MAGI3: variants seen among roughly 807,000 people sequenced by gnomAD.
The protein encoded by MAGI3 is membrane-associated guanylate kinase, WW and PDZ domain-containing protein 3.
A neutral mutation model predicts 121.8 loss-of-function variants in MAGI3; 43 were observed. The observed-to-expected ratio is 0.35, with a 90% confidence interval of 0.28 to 0.46. The LOEUF (loss-of-function observed/expected upper bound fraction) is 0.46. MAGI3 is among the 20% of genes least tolerant of loss of function. MAGI3 has a pLI of 1.00. For synonymous variants in MAGI3, 553 were observed against 639.3 expected, an observed-to-expected ratio of 0.86 and a Z score of 2.04; for missense variants, 1,547 against 1,797.3, an observed-to-expected ratio of 0.86 and a Z score of 2.52.
In MAGI3 at chr1:113,393,444, A is replaced by T. The variant is rs537002163; in HGVS notation, c.316+2095A>T. The stretch of plus-strand genomic sequence containing the variant: ...GATACCATTATGTCTGTGTTATTTG[A>T]GATTAATATTGTTTCTAAGCAGGTT... On this transcript the variant is annotated intron_variant, in intron 1 of 20. Coordinates refer to ENST00000307546, the MANE Select transcript of MAGI3 (RefSeq NM_001142782.2). 1.1e-3 allele frequency among the ~76,000 whole-genome samples: 165 copies of T among 152,322 alleles called. 1 individual carries two copies. Among genetic ancestry groups the T allele is most frequent in the Non-Finnish European group, 1.0e-4 (7 of 68,004 alleles).
intron 2 of MAGI3, among the ~76,000 whole-genome samples, chr1:113,576,499 C>CTTT (rs1401262846): frequency 1.3e-5 from 2 of 152,288 alleles, no homozygotes; most frequent in Non-Finnish European, 1.5e-5. Flanking sequence ...CACTGTCTAA[C>CTTT]CAGTCCCAAC....
chr1:113,587,284 C>T (rs78742794), intron 4 of MAGI3, among the ~76,000 whole-genome samples: 2,020 of 152,302 alleles, frequency 0.013, 18 homozygotes, highest in Middle Eastern at 0.017. Flanking sequence ...TGCAATCTGT[C>T]TCCTAGGCTC....
In MAGI3 at chr1:113,390,534, C is replaced by T. The variant is rs528887061; in HGVS notation, c.-500C>T. On this transcript the variant is annotated 5_prime_UTR_variant, in exon 1 of 21. Coordinates refer to ENST00000307546, the MANE Select transcript of MAGI3 (RefSeq NM_001142782.2). ...AGCGGCAGTTTCCTGGCAGCTTGGGCAGGCGTTGGTCTCCGCGCTACAGCT... is the reference window on the plus strand; with the variant it reads ...AGCGGCAGTTTCCTGGCAGCTTGGGTAGGCGTTGGTCTCCGCGCTACAGCT... 3.3e-5 allele frequency among the ~76,000 whole-genome samples: 5 copies of T among 152,222 alleles called. No individual in the cohort carries two copies. The highest frequency in any genetic ancestry group is 3.3e-4 in the Admixed American group (5 of 15,308).
At chr1:113,400,858 G>A (rs1011617966) in intron 1 of MAGI3, among the ~76,000 whole-genome samples, 1 of 152,158 alleles carries the variant, frequency 6.6e-6, no homozygotes, top group African/African-American at 2.4e-5. Context: ...ATCTCACAAT[G>A]TAATGCTGAT....
At chr1:113,469,883 A>G (rs1189802738) in intron 1 of MAGI3, among the ~76,000 whole-genome samples, 1 of 152,242 alleles carries the variant, frequency 6.6e-6, no homozygotes, top group East Asian at 1.9e-4. Flanking sequence ...AATCTTTTAT[A>G]AATAAATAGT....
chr1:113,469,070 A>G (rs1210518177), intron 1 of MAGI3, among the ~76,000 whole-genome samples: 1 of 152,208 alleles, frequency 6.6e-6, no homozygotes, highest in Non-Finnish European at 1.5e-5. Context: ...ACATACAGGA[A>G]GAAACCTACA....
intron 1 of MAGI3, among the ~76,000 whole-genome samples, chr1:113,528,804 C>T (rs1658573368): frequency 6.6e-6 from 1 of 151,864 alleles, no homozygotes; most frequent in African/African-American, 2.4e-5. Flanking sequence ...ATGACAAAAC[C>T]CAGTGTTAAT....
chr1:113,671,398 T>G (rs991961331), intron 16 of MAGI3, among the ~76,000 whole-genome samples: 1 of 152,164 alleles, frequency 6.6e-6, no homozygotes, highest in African/African-American at 2.4e-5. Flanking sequence ...TGGAAGCCCA[T>G]AGAATAGGCA....
intron 2 of MAGI3, among the ~76,000 whole-genome samples, chr1:113,552,482 G>T (rs1374427294): frequency 1.3e-5 from 2 of 152,068 alleles, no homozygotes; most frequent in East Asian, 3.9e-4. Flanking sequence ...TGCCTGCATG[G>T]GATGTCTCAT....
chr1:113,473,777 T>G (rs1342910151), intron 1 of MAGI3, among the ~76,000 whole-genome samples: 1 of 152,216 alleles, frequency 6.6e-6, no homozygotes, highest in African/African-American at 2.4e-5. Flanking sequence ...TTTGGGTATA[T>G]ACCCAGTAAT....
chr1:113,550,787 AT>A (rs527559939), intron 2 of MAGI3, among the ~76,000 whole-genome samples: 27 of 150,952 alleles, frequency 1.8e-4, no homozygotes, highest in South Asian at 6.2e-4. Flanking sequence ...ACGAAAAAAA[AT>A]ATATATATAT....
intron 2 of MAGI3, among the ~76,000 whole-genome samples, chr1:113,561,459 A>G (rs1660230447): frequency 6.6e-6 from 1 of 152,262 alleles, no homozygotes; most frequent in Non-Finnish European, 1.5e-5. Flanking sequence ...GGCTGGTTCA[A>G]CATACACAAA....
chr1:113,393,715 T>G (rs1053775407), intron 1 of MAGI3, among the ~76,000 whole-genome samples: 8 of 152,332 alleles, frequency 5.3e-5, no homozygotes, highest in Admixed American at 2.6e-4. Context: ...AGACAAAGAT[T>G]CTTTATTGTG....
At chr1:113,404,068 T>G (rs1487159047) in intron 1 of MAGI3, 1 of 152,152 alleles carries the variant, frequency 6.6e-6, no homozygotes, top group African/African-American at 2.4e-5. Context: ...AGTAACTTTT[T>G]GTCCTAGGTT....
intron 4 of MAGI3, among the ~76,000 whole-genome samples, chr1:113,587,672 G>GT (rs1648459730): frequency 6.6e-6 from 1 of 152,100 alleles, no homozygotes; most frequent in African/African-American, 2.4e-5. Context: ...CATATGTTAC[G>GT]TAATAATTAT....
Position 113,683,118 on chromosome 1 carries a change from C to T in MAGI3, c.3550C>T (p.Gln1184Ter), listed in dbSNP as rs1648318296. The T allele has an allele frequency of 6.2e-7, 1 of 1,613,248 alleles. No homozygotes were observed. The highest frequency in any genetic ancestry group is 1.3e-5 in the African/African-American group (1 of 74,956). The change falls in exon 21 of 21, where the codon CAG becomes TAG. Residue 1184 changes from glutamine to a stop codon, truncating the protein, a stop_gained. Coordinates refer to ENST00000307546, the MANE Select transcript of MAGI3 (RefSeq NM_001142782.2). LOFTEE classifies it low-confidence loss of function (END_TRUNC). Reference protein sequence around the residue: ...LNENQPEIKHQSLLQKNVSKR... With the variant: ...LNENQPEIKH ...TGAAAATCAGCCTGAGATAAAGCAT[C>T]AGTCTCTTCTCCAGAAAAATGTGAG... is the stretch of plus-strand genomic sequence containing the variant.
At chr1:113,543,755 C>G (rs1015340486) in intron 1 of MAGI3, among the ~76,000 whole-genome samples, 1 of 151,794 alleles carries the variant, frequency 6.6e-6, no homozygotes, top group African/African-American at 2.4e-5. Context: ...GTGGTCCCAG[C>G]TACTTGGGAG....
In MAGI3 at chr1:113,464,550, T is replaced by A. The variant is rs1461711009; in HGVS notation, c.316+73201T>A. On this transcript the variant is annotated intron_variant, in intron 1 of 20. Coordinates refer to ENST00000307546, the MANE Select transcript of MAGI3 (RefSeq NM_001142782.2). ...GGCTTGATCATATGGTAGTTCTATT[T>A]TTTATTTCTTCAGGAACTTCTATAC... Among the ~76,000 whole-genome samples, 7 of 152,168 alleles carry A rather than the reference T, an allele frequency of 4.6e-5. 1 individual carries two copies. The highest frequency in any genetic ancestry group is 4.4e-5 in the Non-Finnish European group (3 of 68,032).
intron 1 of MAGI3, among the ~76,000 whole-genome samples, chr1:113,463,675 G>A (rs545375348): frequency 5.9e-5 from 9 of 152,110 alleles, no homozygotes; most frequent in South Asian, 2.1e-4. Context: ...CTGTGAAGGC[G>A]GGGGAGAGAT....
Sources: gnomAD v4.1 joint callset for allele counts (sites outside exome capture counted in the v4.1 genomes callset) on GRCh38, gnomAD v4.1.1 for gene constraint, MANE v1.5 for transcripts, NCBI Gene and HGNC (gene_info 2026-07-23, HGNC 2026-07-21) for gene names.